The following PTCH2 variants were observed in gnomAD, a reference collection of about 807,000 sequenced individuals.
PTCH2 encodes protein patched homolog 2.
PTCH2 carries 96 observed loss-of-function variants against 117.9 expected under a neutral mutation model. The ratio of observed to expected loss-of-function variants is 0.81; its 90% CI spans 0.69 to 0.96. The LOEUF (loss-of-function observed/expected upper bound fraction) is 0.96. PTCH2 is among the 50% of genes least tolerant of loss of function. PTCH2 has a pLI of 0.00. For missense variants in PTCH2, 1,379 were observed against 1,562.5 expected, an observed-to-expected ratio of 0.88 and a Z score of 1.98; for synonymous variants, 615 against 660.9, an observed-to-expected ratio of 0.93 and a Z score of 1.06.
downstream of PTCH2, chr1:44,819,985 G>A (rs12132510): frequency 9.4e-3 from 1,455 of 155,230 alleles, 10 homozygotes; most frequent in African/African-American, 0.017. Context: ...GCTTTGAAGA[G>A]AAACCCGAGT....
chr1:44,832,374 A>G (rs367919858), intron 2 of PTCH2, 33 bp from the exon 3 acceptor site: 2 of 1,612,324 alleles, frequency 1.2e-6, no homozygotes, highest in Non-Finnish European at 1.7e-6. Flanking sequence ...CTGGGGGGGA[A>G]AGGGCCTAGG....
In PTCH2 at chr1:44,828,140, C is replaced by A. The variant is rs765026448; in HGVS notation, c.1761G>T (p.Gly587=). The change falls in exon 14 of 22, where the codon GGG becomes GGT. Residue 587 remains glycine (G), a synonymous_variant. Transcript: ENST00000372192. ...GGTGGGCAATGCCCACTGGTACTGT[C>A]CCGTCCCCCAGCTCCTGGGGCAGGA... ...IQILPQELGD[G]TVPVGIAHLT... is the part of the protein sequence containing the mutation. 8 of 1,613,858 alleles carry A rather than the reference C, an allele frequency of 5.0e-6. No homozygotes were observed. In the African/African-American group the frequency reaches 1.1e-4, roughly 22 times the overall value.
At chr1:44,835,621 T>C (rs1042223172) in intron 2 of PTCH2, among the ~76,000 whole-genome samples, 5 of 152,290 alleles carry the variant, frequency 3.3e-5, no homozygotes, top group African/African-American at 4.8e-5. Flanking sequence ...GTCCAGAAGT[T>C]TCACGTGTAA....
In PTCH2 at chr1:44,826,428, G is replaced by A; in HGVS notation, c.2977-41C>T. 6.2e-7 allele frequency: 1 copy of A among 1,613,976 alleles called. No homozygotes were observed. Among genetic ancestry groups the A allele is most frequent in the Non-Finnish European group, 8.5e-7 (1 of 1,179,986 alleles). ...CTCACAGAGGGCTCCTGGCAGGAGGGATGACAGGCTGGGCAGGGAAGGGTG... is the reference window on the plus strand; with the variant it reads ...CTCACAGAGGGCTCCTGGCAGGAGGAATGACAGGCTGGGCAGGGAAGGGTG... On this transcript the variant is annotated intron_variant, in intron 18 of 21. Coordinates refer to ENST00000372192, the MANE Select transcript of PTCH2 (RefSeq NM_003738.5). This position sits in a 1 kb window ranked among gnomAD's most constrained non-coding sequence, Gnocchi z 5.1.
chr1:44,837,460 G>A (rs1389540065), intron 2 of PTCH2, among the ~76,000 whole-genome samples: 2 of 152,106 alleles, frequency 1.3e-5, no homozygotes, highest in Non-Finnish European at 2.9e-5. Context: ...TGCCATGTTG[G>A]CCAGGCTGGT....
chr1:44,822,611 C>G lies in PTCH2; in HGVS notation c.3416G>C (p.Gly1139Ala), dbSNP rs769580880. 1.9e-6 allele frequency: 3 copies of G among 1,613,926 alleles called. No individual in the cohort carries two copies. In the African/African-American group the frequency reaches 4.0e-5, roughly 22 times the overall value. ...EILSPPAPQG[G>A]GLRWGASSSL... ...GGAGGATGCCCCCCACCTAAGCCCG[C>G]CTCCCTGTGGAGCTGGTGGACTCAG... The change falls in exon 22 of 22, where the codon GGC (glycine) becomes GCC (alanine). Residue 1139 changes from glycine to alanine, a missense_variant. Transcript: ENST00000372192.
Position 44,832,279 on chromosome 1 carries a change from A to G in PTCH2, c.328T>C (p.Tyr110His). 1 of 1,614,180 alleles carries G rather than the reference A, an allele frequency of 6.2e-7. No homozygotes were observed. The highest frequency in any genetic ancestry group is 1.6e-4 in the Middle Eastern group (1 of 6,062). ...TKEKLGEEAA[Y>H]TSQMLIQTAR... ...GTCTGTATCAGCATCTGAGAGGTGT[A>G]TGCAGCCTCCTCCCCCAGCTTCTCC... is the stretch of plus-strand genomic sequence containing the variant. The change falls in exon 3 of 22, where the codon TAC (tyrosine) becomes CAC (histidine). Residue 110 changes from tyrosine (Y) to histidine (H), a missense_variant. Transcript: ENST00000372192.
intron 2 of PTCH2, among the ~76,000 whole-genome samples, chr1:44,840,232 A>T (rs1653885391): frequency 6.6e-6 from 1 of 151,116 alleles, no homozygotes; most frequent in Non-Finnish European, 1.5e-5. Context: ...CTTCCCAAGT[A>T]GCTGGGACTA....
chr1:44,828,052 G>A lies in PTCH2; in HGVS notation c.1849C>T (p.Leu617=), dbSNP rs749633962. 6.2e-7 allele frequency: 1 copy of A among 1,614,168 alleles called. No homozygotes were observed. Among genetic ancestry groups the A allele is most frequent in the South Asian group, 1.1e-5 (1 of 91,084 alleles). The change falls in exon 14 of 22, where the codon CTG becomes TTG. Residue 617 remains leucine (L), a synonymous_variant. Coordinates refer to ENST00000372192, the MANE Select transcript of PTCH2 (RefSeq NM_003738.5). ...GGCACCAGGTGGGCTTGGGGAGGCA[G>A]GATGGTGACCACATGCTGGCTGCTG... ...EASSQHVVTI[L]PPQAHLVPPP...
chr1:44,831,685 G>A lies in PTCH2; in HGVS notation c.617+21C>T. The A allele has an allele frequency of 1.3e-6, 2 of 1,542,070 alleles. No individual in the cohort carries two copies. The highest frequency in any genetic ancestry group is 1.8e-6 in the Non-Finnish European group (2 of 1,137,620). On this transcript the variant is annotated intron_variant, in intron 5 of 21. Transcript: ENST00000372192. The surrounding 1 kb of genome is among the most constrained non-coding windows in gnomAD (Gnocchi z 4.3). The stretch of plus-strand genomic sequence containing the variant: ...GAGTCCCCAGCGGGAGATGAAGCAG[G>A]GCCCCAGGAGTGGCACTCACGGCAG...
Position 44,828,711 on chromosome 1 carries a change from A to G in PTCH2, c.1465-80T>C, listed in dbSNP as rs1289012433. ...AAGTGGAGTGAAGGGGAGGCTCAGG[A>G]ACTTGGGGTGCAGAGGTGGGGCAGT... On this transcript the variant is annotated intron_variant, in intron 11 of 21. Coordinates refer to ENST00000372192, the MANE Select transcript of PTCH2 (RefSeq NM_003738.5). 5 of 1,556,576 alleles carry G rather than the reference A, an allele frequency of 3.2e-6. No homozygotes were observed. The African/African-American group carries it at 6.8e-5, about 21-fold the overall frequency.
rs1445776133 is a variant in PTCH2 at position 44,830,725 on chromosome 1, T to TAATAATGG, written c.813+115_813+122dup. The TAATAATGG allele has an allele frequency of 5.2e-6, 5 of 967,032 alleles. No individual in the cohort carries two copies. In the East Asian group the frequency reaches 1.4e-4, roughly 27 times the overall value. The allele number at this position is 967,032 out of a possible 1,614,324, so 59.9% of individuals were successfully genotyped here. A position where few individuals can be genotyped will look rare whatever the true frequency, so the allele number is the denominator to read the frequency against. ...GGGGCCTGGCACTGTGGGAGCAGGG[T>TAATAATGG]AATAATGGCCAGGAAGTGGGGGGTC... On this transcript the variant is annotated intron_variant, in intron 6 of 21. Coordinates refer to ENST00000372192, the MANE Select transcript of PTCH2 (RefSeq NM_003738.5).
At chr1:44,840,739 C>T (rs565812917) in intron 2 of PTCH2, among the ~76,000 whole-genome samples, 17 of 151,840 alleles carry the variant, frequency 1.1e-4, no homozygotes, top group South Asian at 2.1e-4. Flanking sequence ...ACCAAAAACC[C>T]AAAAATTATC....
In PTCH2 at chr1:44,826,675, G is replaced by A. The variant is rs1378251103; in HGVS notation, c.2789C>T (p.Ala930Val). The change falls in exon 18 of 22, where the codon GCC (alanine) becomes GTC (valine). Residue 930 changes from alanine (A) to valine (V), a missense_variant. By Grantham distance (64) the Ala-to-Val change is moderately conservative (BLOSUM62 0). Coordinates refer to ENST00000372192, the MANE Select transcript of PTCH2 (RefSeq NM_003738.5). This position sits in a 1 kb window ranked among gnomAD's most constrained non-coding sequence, Gnocchi z 5.1. ...GCCGGCCTCTGCGCATGCTGCCCGG[G>A]CCCCCTCGATGGCCTCCACAAAGTC... ...TADFVEAIEG[A>V]RAACAEAGQA... 6.2e-7 allele frequency: 1 copy of A among 1,609,462 alleles called. No homozygotes were observed. The highest frequency in any genetic ancestry group is 8.5e-7 in the Non-Finnish European group (1 of 1,177,800).
At position 44,823,227 on chromosome 1, in the gene PTCH2, C is replaced by T. The variant is rs1253738413; in HGVS notation, c.3257+16G>A. ...CCTGTCCTGAGCCCTGCCTCCCTGC[C>T]CCGAGCCCTCCCTACCTTACAATGA... On this transcript the variant is annotated intron_variant, in intron 20 of 21. Transcript: ENST00000372192. The surrounding 1 kb of genome is among the most constrained non-coding windows in gnomAD (Gnocchi z 5.1). 4 of 1,614,196 alleles carry T rather than the reference C, an allele frequency of 2.5e-6. No homozygotes were observed. The highest frequency in any genetic ancestry group is 2.5e-6 in the Non-Finnish European group (3 of 1,180,022).
intron 2 of PTCH2, among the ~76,000 whole-genome samples, chr1:44,841,207 A>G (rs957797552): frequency 2.8e-5 from 4 of 145,000 alleles, no homozygotes; most frequent in African/African-American, 1.0e-4. Context: ...CCCCCCAAAA[A>G]AAAACCCCAA....
intron 6 of PTCH2, among the ~76,000 whole-genome samples, 181 bp from the exon 7 acceptor site, chr1:44,830,211 A>G (rs966971644): frequency 7.0e-6 from 1 of 142,756 alleles, no homozygotes; most frequent in African/African-American, 2.7e-5. Flanking sequence ...GCAGACAGGA[A>G]GCCCCAAGGG....
intron 2 of PTCH2, among the ~76,000 whole-genome samples, chr1:44,838,116 G>A (rs1653768862): frequency 6.6e-6 from 1 of 151,920 alleles, no homozygotes; most frequent in African/African-American, 2.4e-5. Context: ...GGTTTGTTAT[G>A]AGAGAGGTTA....
At position 44,831,143 on chromosome 1, in the gene PTCH2, C is replaced by T; in HGVS notation, c.618-100G>A. On this transcript the variant is annotated intron_variant, in intron 5 of 21. Transcript: ENST00000372192. This position sits in a 1 kb window ranked among gnomAD's most constrained non-coding sequence, Gnocchi z 4.3. ...CTGTACCCCACCCTCCTCTTATCTG[C>T]CGATTTGTCCTTCCATATGGAGGGT... The T allele has an allele frequency of 4.1e-6, 5 of 1,210,142 alleles. No individual in the cohort carries two copies. Among genetic ancestry groups the T allele is most frequent in the Non-Finnish European group, 5.8e-6 (5 of 858,500 alleles). 75.0% of individuals were successfully genotyped at this position (1,210,142 alleles called of 1,614,324 possible).
Sources: gnomAD v4.1 joint callset for allele counts (sites outside exome capture counted in the v4.1 genomes callset) on GRCh38, gnomAD v4.1.1 for gene constraint, Gnocchi (gnomAD v3.1) non-coding constraint, MANE v1.5 for transcripts, NCBI Gene and HGNC (gene_info 2026-07-23, HGNC 2026-07-21) for gene names.